Variants in CERS6 observed in about 807,000 individuals in gnomAD.
CERS6 encodes the protein ceramide synthase 6.
Under a neutral mutation model 56.8 loss-of-function variants are expected in CERS6, and 26 were observed. That is an observed-to-expected ratio of 0.46 (90% confidence interval 0.34 to 0.63). CERS6 has a LOEUF of 0.63. CERS6 is among the 30% of genes least tolerant of loss of function. CERS6 has a pLI of 0.01. For missense variants in CERS6, 415 were observed against 467.5 expected (o/e 0.89, Z 1.04); for synonymous variants, 164 against 173.3 (o/e 0.95, Z 0.42).
At chr2:168,691,393 C>T (rs1275796439) in intron 5 of CERS6, among the ~76,000 whole-genome samples, 1 of 152,264 alleles carries the variant, frequency 6.6e-6, no homozygotes, top group Non-Finnish European at 1.5e-5. Flanking sequence ...CTTCTAATCA[C>T]TGAGGTAAGT....
At chr2:168,749,968 G>A (rs902440854) in intron 8 of CERS6, among the ~76,000 whole-genome samples, 2 of 152,160 alleles carry the variant, frequency 1.3e-5, no homozygotes, top group South Asian at 4.1e-4. Context: ...CACATTAAGG[G>A]GCAGTTTATG....
intron 1 of CERS6, among the ~76,000 whole-genome samples, chr2:168,515,549 A>G (rs924458843): frequency 2.6e-5 from 4 of 152,230 alleles, no homozygotes; most frequent in Non-Finnish European, 5.9e-5. Context: ...ACATGCCAGC[A>G]AGATCATGAT....
chr2:168,505,816 G>C (rs1228746161), intron 1 of CERS6, among the ~76,000 whole-genome samples: 1 of 152,158 alleles, frequency 6.6e-6, no homozygotes, highest in African/African-American at 2.4e-5. Context: ...GTTTCTTCTA[G>C]CTCAATCAGG....
At chr2:168,676,812 G>A (rs1011398547) in intron 4 of CERS6, among the ~76,000 whole-genome samples, 1 of 152,116 alleles carries the variant, frequency 6.6e-6, no homozygotes, top group African/African-American at 2.4e-5. Flanking sequence ...TTACTCGAGG[G>A]TAGAGGTTTA....
Position 168,531,991 on chromosome 2 carries a change from A to G in CERS6, c.171-15605A>G, listed in dbSNP as rs536372182. On this transcript the variant is annotated intron_variant, in intron 1 of 9. Transcript: ENST00000305747. ...AGACAAAATTTGCCAGGTAGATTTTATTGTCTTCATTTTGTAAGCATAGTA... is the reference window on the plus strand; with the variant it reads ...AGACAAAATTTGCCAGGTAGATTTTGTTGTCTTCATTTTGTAAGCATAGTA... Among the ~76,000 whole-genome samples the G allele has an allele frequency of 7.2e-5, 11 of 152,228 alleles. No homozygotes were observed. In the South Asian group the frequency reaches 2.3e-3, roughly 32 times the overall value.
chr2:168,567,566 A>T (rs1356645004), intron 3 of CERS6, among the ~76,000 whole-genome samples: 1 of 152,260 alleles, frequency 6.6e-6, no homozygotes, highest in Non-Finnish European at 1.5e-5. Context: ...TACAAAAAAT[A>T]AAAGCTATTC....
At chr2:168,661,276 A>G (rs1341304694) in intron 4 of CERS6, among the ~76,000 whole-genome samples, 1 of 152,238 alleles carries the variant, frequency 6.6e-6, no homozygotes, top group Non-Finnish European at 1.5e-5. Context: ...ATATTTTTAA[A>G]TGGAATGAAG....
chr2:168,631,947 G>T (rs887926329), intron 4 of CERS6, among the ~76,000 whole-genome samples: 1 of 146,578 alleles, frequency 6.8e-6, no homozygotes, highest in African/African-American at 2.5e-5. Flanking sequence ...TACTAACAGG[G>T]CAGCACTAAC....
chr2:168,473,034 A>T (rs1397149864), intron 1 of CERS6, among the ~76,000 whole-genome samples: 1 of 151,998 alleles, frequency 6.6e-6, no homozygotes, highest in African/African-American at 2.4e-5. Context: ...TTTTCATCTC[A>T]ATTTTTCTTA....
chr2:168,511,965 C>T lies in CERS6; in HGVS notation c.171-35631C>T, dbSNP rs1446657926. On this transcript the variant is annotated intron_variant, in intron 1 of 9. Coordinates refer to ENST00000305747, the MANE Select transcript of CERS6 (RefSeq NM_203463.3). The stretch of plus-strand genomic sequence containing the variant: ...GCATGCACGTGCACACACACACACA[C>T]ACACACACACACACAGGAATATCAT... 2.0e-5 allele frequency among the ~76,000 whole-genome samples: 3 copies of T among 152,138 alleles called. No homozygotes were observed. The East Asian group carries it at 5.8e-4, about 29-fold the overall frequency.
intron 4 of CERS6, among the ~76,000 whole-genome samples, chr2:168,644,637 C>T (rs1167233844): frequency 6.6e-6 from 1 of 152,212 alleles, no homozygotes; most frequent in East Asian, 1.9e-4. Context: ...TTGTGTATCA[C>T]TTGGAGATTT....
At chr2:168,571,809 G>A (rs916560073) in intron 3 of CERS6, among the ~76,000 whole-genome samples, 5 of 152,190 alleles carry the variant, frequency 3.3e-5, no homozygotes, top group East Asian at 1.9e-4. Flanking sequence ...TATCCTTTGC[G>A]TTACAAACAA....
At chr2:168,631,639 ATTTT>A (rs1684737488) in intron 4 of CERS6, among the ~76,000 whole-genome samples, 1 of 103,344 alleles carries the variant, frequency 9.7e-6, no homozygotes, top group Non-Finnish European at 1.8e-5. Context: ...TATATAGCAT[ATTTT>A]ATATTTATAT....
intron 3 of CERS6, among the ~76,000 whole-genome samples, chr2:168,617,580 A>G (rs1473182458): frequency 6.6e-6 from 1 of 152,160 alleles, no homozygotes; most frequent in Non-Finnish European, 1.5e-5. Context: ...AATACAAAAG[A>G]TCATTCAAGG....
intron 6 of CERS6, among the ~76,000 whole-genome samples, chr2:168,698,176 G>A (rs1159187359): frequency 7.5e-6 from 1 of 133,758 alleles, no homozygotes; most frequent in Non-Finnish European, 1.6e-5. Flanking sequence ...TGCACCAAGT[G>A]AGCCAAGATG....
chr2:168,476,993 T>C (rs1259647165), intron 1 of CERS6, among the ~76,000 whole-genome samples: 5 of 152,054 alleles, frequency 3.3e-5, no homozygotes, highest in Non-Finnish European at 7.4e-5. Context: ...CAAAATACCA[T>C]AGACTGGTGG....
chr2:168,461,811 T>C (rs1476163786), intron 1 of CERS6, among the ~76,000 whole-genome samples: 2 of 152,232 alleles, frequency 1.3e-5, no homozygotes, highest in South Asian at 2.1e-4. Context: ...ATGACTTCTC[T>C]GTTGAAAATA....
At position 168,697,506 on chromosome 2, in the gene CERS6, G is replaced by A. The variant is rs551775775; in HGVS notation, c.609+2455G>A. On this transcript the variant is annotated intron_variant, in intron 6 of 9. Coordinates refer to ENST00000305747, the MANE Select transcript of CERS6 (RefSeq NM_203463.3). ...CTTTTTTGAGGAGACCTTTTGTCCA[G>A]GTAGTCACGTAAAACTCTTATATAA... is the stretch of plus-strand genomic sequence containing the variant. 1.1e-4 allele frequency among the ~76,000 whole-genome samples: 17 copies of A among 150,940 alleles called. No homozygotes were observed. The East Asian group carries it at 3.3e-3, about 29-fold the overall frequency.
At chr2:168,675,834 G>A (rs1027289283) in intron 4 of CERS6, among the ~76,000 whole-genome samples, 1 of 151,642 alleles carries the variant, frequency 6.6e-6, no homozygotes. Flanking sequence ...ATACAGATGC[G>A]AGCCACCATG....
Sources: gnomAD v4.1 joint callset for allele counts (sites outside exome capture counted in the v4.1 genomes callset) on GRCh38, gnomAD v4.1.1 for gene constraint, MANE v1.5 for transcripts, NCBI Gene and HGNC (gene_info 2026-07-23, HGNC 2026-07-21) for gene names.